Variants in MPND observed in about 807,000 individuals in gnomAD.
The protein encoded by MPND is MPN domain-containing protein.
A neutral mutation model predicts 59.2 loss-of-function variants in MPND; 56 were observed. The ratio of observed to expected loss-of-function variants is 0.95; its 90% CI spans 0.76 to 1.18. The LOEUF (loss-of-function observed/expected upper bound fraction) is 1.18, where lower values mean the gene tolerates loss of function less well. Ranked by LOEUF, MPND falls within the 50% of genes most tolerant of loss-of-function variation. The probability of loss-of-function intolerance (pLI) is 0.00; values close to 1 mark genes in which losing one functional copy is unlikely to be tolerated. For synonymous variants in MPND, 323 were observed against 291.9 expected (o/e 1.11, Z -1.09); for missense variants, 671 against 676.0 (o/e 0.99, Z 0.08).
intron 10 of MPND, 150 bp downstream of exon 10, chr19:4,357,735 G>A: frequency 1.3e-6 from 1 of 773,062 alleles, no homozygotes; most frequent in Non-Finnish European, 2.1e-6. Flanking sequence ...CTGCTGCCCT[G>A]CCCATATTTT....
intron 3 of MPND, chr19:4,348,890 C>T (rs191724780): frequency 1.1e-5 from 2 of 177,690 alleles, no homozygotes; most frequent in Admixed American, 5.4e-5. Flanking sequence ...CTCCTGACCT[C>T]GTGATCTACC....
chr19:4,349,260 G>T (rs572625055), intron 3 of MPND, among the ~76,000 whole-genome samples: 1 of 152,132 alleles, frequency 6.6e-6, no homozygotes, highest in Admixed American at 6.5e-5. Context: ...ATGTTTATTA[G>T]AGATGCGGTT....
Position 4,355,103 on chromosome 19 carries a change from C to T in MPND, c.926C>T (p.Thr309Met), listed in dbSNP as rs555051709. ...GRWDVNSQML[T>M]VLRAFPCRSR... is the part of the protein sequence containing the mutation. ...CAGCTGCCCCTCCCCACAGTGCTGA[C>T]GGTGCTCAGAGCCTTCCCTTGTCGG... Residue 309 changes from threonine to methionine, a missense_variant, in exon 8 of 13, where the codon ACG becomes ATG. Coordinates refer to ENST00000599840, the MANE Select transcript of MPND (RefSeq NM_001300862.2). 2.2e-4 allele frequency: 357 copies of T among 1,613,940 alleles called. 4 individuals carry two copies. In the Admixed American group the frequency reaches 3.0e-3, roughly 14 times the overall value.
At chr19:4,350,618 G>T (rs557318044) in intron 3 of MPND, among the ~76,000 whole-genome samples, 1 of 152,328 alleles carries the variant, frequency 6.6e-6, no homozygotes, top group African/African-American at 2.4e-5. Context: ...AGATGCTGGA[G>T]TCCTGAGCAA....
intron 3 of MPND, chr19:4,347,887 GTTTT>G (rs931842889): frequency 6.5e-6 from 1 of 152,838 alleles, no homozygotes; most frequent in Non-Finnish European, 1.4e-5. Context: ...TCCATATTGT[GTTTT>G]TTTTTGTTTT....
intron 8 of MPND, among the ~76,000 whole-genome samples, chr19:4,355,590 C>T (rs1001087623): frequency 6.6e-5 from 10 of 152,198 alleles, no homozygotes; most frequent in Non-Finnish European, 1.2e-4. Context: ...CCGCCTCAGC[C>T]TCCCAAAGTG....
rs1568394589 is a variant in MPND, at chr19:4,345,961, CCTGCCACGG to C, written c.516_524del (p.Thr173_Ala175del). 6.2e-7 allele frequency: 1 copy of C among 1,612,666 alleles called. No individual in the cohort carries two copies. Among genetic ancestry groups the C allele is most frequent in the Admixed American group, 1.7e-5 (1 of 59,946 alleles). On this transcript the variant is annotated inframe_deletion, in exon 3 of 13. Coordinates refer to ENST00000599840, the MANE Select transcript of MPND (RefSeq NM_001300862.2). ...GCTCCGGCTGCACCAGCTGCACACG[CCTGCCACGG>C]CTGCTGATGAGGTACGTGCTGCAGC...
intron 2 of MPND, 56 bp downstream of exon 2, chr19:4,344,050 G>T: frequency 8.3e-7 from 1 of 1,198,320 alleles, no homozygotes. Context: ...GGGAAACTGA[G>T]GCCTGGAGTT....
At position 4,360,055 on chromosome 19, in the gene MPND, G is replaced by A; in HGVS notation, c.*53G>A. On this transcript the variant is annotated 3_prime_UTR_variant, in exon 13 of 13. Coordinates refer to ENST00000599840, the MANE Select transcript of MPND (RefSeq NM_001300862.2). ...TGTCTTGAGGGTCCGGATGGGCTCA[G>A]GTAATAAAGAAACGGAAGCAGCAGC... The A allele has an allele frequency of 6.8e-7, 1 of 1,477,740 alleles. No individual in the cohort carries two copies. The highest frequency in any genetic ancestry group is 9.2e-7 in the Non-Finnish European group (1 of 1,084,880). 91.5% of individuals were successfully genotyped at this position (1,477,740 alleles called of 1,614,324 possible). A position where few individuals can be genotyped will look rare whatever the true frequency, so the allele number is the denominator to read the frequency against.
At chr19:4,357,030 T>C in intron 8 of MPND, 1 of 430,100 alleles carries the variant, frequency 2.3e-6, no homozygotes, top group East Asian at 3.5e-5. Flanking sequence ...TTTGGTGTCC[T>C]GGCTTTGTGG....
In MPND at chr19:4,353,735, T is replaced by C. The variant is rs1972370895; in HGVS notation, c.665-310T>C. On this transcript the variant is annotated intron_variant, in intron 4 of 12. Coordinates refer to ENST00000599840, the MANE Select transcript of MPND (RefSeq NM_001300862.2). ...CACCACCACACCCGGCTAATTTTTG[T>C]ATTTTTTTTCAGAGACGAGATCTCA... 8 of 297,654 alleles carry C rather than the reference T, an allele frequency of 2.7e-5. No homozygotes were observed. The South Asian group carries it at 2.7e-4, about 10-fold the overall frequency. 18.4% of individuals were successfully genotyped at this position (297,654 alleles called of 1,614,324 possible).
In MPND at chr19:4,355,211, T is replaced by C. The variant is rs754607641; in HGVS notation, c.996+38T>C. ...CTGGGAGGTGGCATTCTGGGGAGGG[T>C]TGGGAAGGGACATAGCTGTCCTGGC... On this transcript the variant is annotated intron_variant, in intron 8 of 12. Transcript: ENST00000599840. 1.1e-5 allele frequency: 17 copies of C among 1,604,178 alleles called. No homozygotes were observed. In the African/African-American group the frequency reaches 1.5e-4, roughly 14 times the overall value.
At chr19:4,351,276 G>T (rs1417148888) in intron 3 of MPND, among the ~76,000 whole-genome samples, 1 of 151,876 alleles carries the variant, frequency 6.6e-6, no homozygotes, top group Non-Finnish European at 1.5e-5. Flanking sequence ...GCTAATTTTT[G>T]TATTTTTAGT....
intron 3 of MPND, among the ~76,000 whole-genome samples, chr19:4,346,605 T>C (rs1206952880): frequency 6.6e-6 from 1 of 151,970 alleles, no homozygotes; most frequent in East Asian, 1.9e-4. Context: ...TTAGAAGAGA[T>C]GAGGTTTCAC....
At chr19:4,349,459 AG>A (rs1341023177) in intron 3 of MPND, among the ~76,000 whole-genome samples, 1 of 151,466 alleles carries the variant, frequency 6.6e-6, no homozygotes, top group Non-Finnish European at 1.5e-5. Context: ...AGCGTCAGGA[AG>A]TGAGGGTGCT....
At chr19:4,343,658 T>C in intron 1 of MPND, 50 bp from the exon 2 acceptor site, 1 of 1,200,194 alleles carries the variant, frequency 8.3e-7, no homozygotes, top group Non-Finnish European at 1.0e-6. Context: ...GGCGCGGGGC[T>C]GCAGAGCCGT....
At chr19:4,352,271 T>C (rs1050208676) in intron 3 of MPND, among the ~76,000 whole-genome samples, 9 of 152,232 alleles carry the variant, frequency 5.9e-5, no homozygotes, top group African/African-American at 1.9e-4. Context: ...AATCAGACCT[T>C]GGCGATGACT....
chr19:4,350,147 G>GT (rs1972283443), intron 3 of MPND, among the ~76,000 whole-genome samples: 1 of 151,778 alleles, frequency 6.6e-6, no homozygotes, highest in Non-Finnish European at 1.5e-5. Context: ...GGGAGGGAGG[G>GT]TGCCATGAGG....
At position 4,343,879 on chromosome 19, in the gene MPND, C is replaced by CG; in HGVS notation, c.185dup (p.Cys63LeufsTer114). On this transcript the variant is annotated frameshift_variant, in exon 2 of 13. Coordinates refer to ENST00000599840, the MANE Select transcript of MPND (RefSeq NM_001300862.2). LOFTEE classifies it high-confidence loss of function. ...GGAGGCGGCGGCGGCGGGGCCGGGG[C>CG]GGGGGGCTGCGGCGGGCCCGGGGGC... The CG allele has an allele frequency of 2.9e-6, 3 of 1,051,654 alleles. No homozygotes were observed. The highest frequency in any genetic ancestry group is 3.5e-6 in the Non-Finnish European group (3 of 853,268). The allele number at this position is 1,051,654 out of a possible 1,614,324, so 65.1% of individuals were successfully genotyped here. A position where few individuals can be genotyped will look rare whatever the true frequency, so the allele number is the denominator to read the frequency against.
Sources: allele counts gnomAD v4.1 joint callset (sites outside exome capture counted in the v4.1 genomes callset), GRCh38; gene constraint gnomAD v4.1.1; transcripts MANE v1.5; gene names NCBI Gene and HGNC (gene_info 2026-07-23, HGNC 2026-07-21).